JMJD1C: variants seen among roughly 807,000 people sequenced by gnomAD.
JMJD1C encodes jumonji domain-containing protein 1C.
Under a neutral mutation model 245.3 loss-of-function variants are expected in JMJD1C, and 31 were observed. That is an observed-to-expected ratio of 0.13 (90% CI 0.09 to 0.17). JMJD1C has a LOEUF of 0.17. Among genes scored for constraint, JMJD1C ranks in the 10% least tolerant of loss-of-function variants. The probability of loss-of-function intolerance (pLI) is 1.00; values close to 1 mark genes in which losing one functional copy is unlikely to be tolerated. For missense variants in JMJD1C, 2,691 were observed against 3,000.2 expected (o/e 0.90, Z 2.41); for synonymous variants, 1,057 against 1,017.4 (o/e 1.04, Z -0.74).
intron 2 of JMJD1C, among the ~76,000 whole-genome samples, chr10:63,280,940 ATGGGATCCT>A (rs919872597): frequency 1.3e-5 from 2 of 151,636 alleles, no homozygotes; most frequent in Non-Finnish European, 2.9e-5. Flanking sequence ...CATGGGATCC[ATGGGATCCT>A]TTACCTCTTT....
At chr10:63,310,755 CA>C (rs939162639) in intron 2 of JMJD1C, among the ~76,000 whole-genome samples, 1 of 151,846 alleles carries the variant, frequency 6.6e-6, no homozygotes, top group African/African-American at 2.4e-5. Context: ...TCCTACAAAT[CA>C]TTTTTTTTTA....
chr10:63,465,742 C>G lies in JMJD1C; in HGVS notation c.-80G>C. On this transcript the variant is annotated 5_prime_UTR_variant, in exon 1 of 26. Coordinates refer to ENST00000399262, the MANE Select transcript of JMJD1C (RefSeq NM_032776.3). ...ACCTCACTCCTACCGGCCGCTCATG[C>G]TGAGGAGAGCGGACCGGGACACAGC... 1 of 1,512,090 alleles carries G rather than the reference C, an allele frequency of 6.6e-7. No homozygotes were observed. The highest frequency in any genetic ancestry group is 9.0e-7 in the Non-Finnish European group (1 of 1,106,380). 93.7% of individuals were successfully genotyped at this position (1,512,090 alleles called of 1,614,324 possible).
chr10:63,507,971 C>T (rs954751317), intron 1 of JMJD1C, among the ~76,000 whole-genome samples: 7 of 151,922 alleles, frequency 4.6e-5, no homozygotes, highest in Non-Finnish European at 7.4e-5. Context: ...TTTAAGTAGT[C>T]GTCGTTTATC....
intron 1 of JMJD1C, among the ~76,000 whole-genome samples, chr10:63,512,101 C>T (rs998136607): frequency 6.6e-6 from 1 of 152,194 alleles, no homozygotes; most frequent in Non-Finnish European, 1.5e-5. Flanking sequence ...TGCTGTCATT[C>T]ATTTCACTTA....
chr10:63,204,990 C>T (rs532718786), intron 10 of JMJD1C: 32 of 985,116 alleles, frequency 3.2e-5, no homozygotes, highest in Admixed American at 1.2e-4. Context: ...GATGAACACA[C>T]GGACATAGTG....
In JMJD1C at chr10:63,207,886, C is replaced by G. The variant is rs760803766; in HGVS notation, c.3783G>C (p.Gln1261His). The G allele has an allele frequency of 1.9e-6, 3 of 1,614,084 alleles. No homozygotes were observed. Among genetic ancestry groups the G allele is most frequent in the Non-Finnish European group, 2.5e-6 (3 of 1,179,984 alleles). ...GTTCTGAAGAACTCTTAAAATTTGC[C>G]TGGGAGTCTTTTGGTTCGGGTATTA... ...PTLIPEPKDSQANFKSSSEQS... is the reference protein window; with the variant it reads ...PTLIPEPKDSHANFKSSSEQS... Residue 1261 changes from glutamine (Q) to histidine (H), a missense_variant, in exon 10 of 26, where the codon CAG becomes CAC. Gln to His is a conservative substitution (Grantham distance 24). Coordinates refer to ENST00000399262, the MANE Select transcript of JMJD1C (RefSeq NM_032776.3).
chr10:63,367,563 GA>G (rs1945959574), intron 2 of JMJD1C, among the ~76,000 whole-genome samples: 1 of 152,102 alleles, frequency 6.6e-6, no homozygotes, highest in African/African-American at 2.4e-5. Flanking sequence ...CTAGTTTGAG[GA>G]AACTTTAAAA....
At chr10:63,515,793 ACTT>A (rs1954999333) in intron 1 of JMJD1C, among the ~76,000 whole-genome samples, 2 of 152,244 alleles carry the variant, frequency 1.3e-5, no homozygotes, top group Admixed American at 1.3e-4. Flanking sequence ...TTCAGAGATT[ACTT>A]CTTAATAGTT....
At chr10:63,194,904 G>A (rs1845265166) in intron 13 of JMJD1C, among the ~76,000 whole-genome samples, 1 of 152,166 alleles carries the variant, frequency 6.6e-6, no homozygotes, top group Non-Finnish European at 1.5e-5. Context: ...AAGTTGTAAA[G>A]AATTAAGGCA....
At chr10:63,462,559 G>A (rs1328207537) in intron 1 of JMJD1C, among the ~76,000 whole-genome samples, 8 of 152,152 alleles carry the variant, frequency 5.3e-5, no homozygotes, top group Admixed American at 4.6e-4. Flanking sequence ...GATTATCCTG[G>A]ATTATGTCAA....
At chr10:63,488,722 T>C (rs1391335034) in intron 1 of JMJD1C, among the ~76,000 whole-genome samples, 2 of 152,192 alleles carry the variant, frequency 1.3e-5, no homozygotes, top group Non-Finnish European at 2.9e-5. Flanking sequence ...TTCCCATTAT[T>C]TGGCAACTGA....
intron 1 of JMJD1C, chr10:63,427,700 G>C: frequency 7.6e-7 from 1 of 1,315,904 alleles, no homozygotes; most frequent in South Asian, 1.2e-5. Context: ...GTCTCCTCTA[G>C]CTTATTTGGT....
chr10:63,374,497 G>A (rs1946563904), intron 2 of JMJD1C, among the ~76,000 whole-genome samples: 1 of 152,156 alleles, frequency 6.6e-6, no homozygotes, highest in African/African-American at 2.4e-5. Context: ...GAGGACAATG[G>A]CAGTCAGTAC....
chr10:63,449,337 CATG>C (rs1476211051), intron 1 of JMJD1C, among the ~76,000 whole-genome samples: 7 of 151,804 alleles, frequency 4.6e-5, no homozygotes, highest in African/African-American at 1.7e-4. Flanking sequence ...AAACAAAAGA[CATG>C]ATAAGGAAAT....
chr10:63,248,807 C>CAA (rs1426479385), intron 3 of JMJD1C, among the ~76,000 whole-genome samples: 1 of 152,014 alleles, frequency 6.6e-6, no homozygotes, highest in Non-Finnish European at 1.5e-5. Context: ...ACACAATAGC[C>CAA]AAAATATGGA....
At chr10:63,319,762 G>A (rs775796943) in intron 2 of JMJD1C, among the ~76,000 whole-genome samples, 2 of 151,860 alleles carry the variant, frequency 1.3e-5, no homozygotes. Flanking sequence ...TCATCTTTTT[G>A]TTTGTTTGCT....
chr10:63,244,886 C>T (rs1405182377), intron 3 of JMJD1C, among the ~76,000 whole-genome samples: 9 of 151,616 alleles, frequency 5.9e-5, no homozygotes. Flanking sequence ...CCTGTAATCC[C>T]AGCACTTTGG....
intron 1 of JMJD1C, among the ~76,000 whole-genome samples, chr10:63,509,398 T>G (rs1416316368): frequency 6.6e-6 from 1 of 152,238 alleles, no homozygotes; most frequent in Non-Finnish European, 1.5e-5. Flanking sequence ...TTGCAATATG[T>G]GTTTTTTGAA....
rs1201888683 is a variant in JMJD1C, at chr10:63,305,631, T to TGC, written c.334-40868_334-40867insGC. On this transcript the variant is annotated intron_variant, in intron 2 of 25. Transcript: ENST00000399262. ...ACGGGCAAGCACCACCATGCTGGCG[T>TGC]GTGTGTGTGTGTGTGTGTGTGTGTG... 8.5e-4 allele frequency among the ~76,000 whole-genome samples: 43 copies of TGC among 50,324 alleles called. No homozygotes were observed. In the Middle Eastern group the frequency reaches 0.038, roughly 45 times the overall value. The allele number at this position is 50,324 out of a possible 152,430, so 33.0% of individuals were successfully genotyped here.
Sources: allele counts gnomAD v4.1 joint callset (sites outside exome capture counted in the v4.1 genomes callset), GRCh38; gene constraint gnomAD v4.1.1; transcripts MANE v1.5; gene names NCBI Gene and HGNC (gene_info 2026-07-23, HGNC 2026-07-21).